Variants in PARD3B observed in about 807,000 individuals in gnomAD.
PARD3B encodes the protein partitioning defective 3 homolog B.
A neutral mutation model predicts 130.2 loss-of-function variants in PARD3B; 103 were observed. The observed-to-expected ratio is 0.79, with a 90% CI of 0.67 to 0.93. PARD3B has a LOEUF of 0.93. PARD3B is among the 40% of genes least tolerant of loss of function. The probability of loss-of-function intolerance (pLI) is 0.00; values close to 1 mark genes in which losing one functional copy is unlikely to be tolerated. For synonymous variants in PARD3B, 583 were observed against 553.2 expected (o/e 1.05, Z -0.76); for missense variants, 1,609 against 1,499.2 (o/e 1.07, Z -1.21).
rs572021066 is a variant in PARD3B, at chr2:205,237,555, C to T, written c.2141-8223C>T. On this transcript the variant is annotated intron_variant, in intron 15 of 22. Coordinates refer to ENST00000406610, the MANE Select transcript of PARD3B (RefSeq NM_001302769.2). ...TATTTACAGCTTTGGAAACTCATAA[C>T]ATTTGCAGGTTGAAAGAAGAGCTGT... is the stretch of plus-strand genomic sequence containing the variant. Among the ~76,000 whole-genome samples, 3 of 152,220 alleles carry T rather than the reference C, an allele frequency of 2.0e-5. No individual in the cohort carries two copies. In the South Asian group the frequency reaches 6.2e-4, roughly 32 times the overall value.
At position 205,417,721 on chromosome 2, in the gene PARD3B, G is replaced by A. The variant is rs2046828599; in HGVS notation, c.2741+16598G>A. Among the ~76,000 whole-genome samples, 3 of 152,210 alleles carry A rather than the reference G, an allele frequency of 2.0e-5. No homozygotes were observed. The South Asian group carries it at 6.2e-4, about 32-fold the overall frequency. On this transcript the variant is annotated intron_variant, in intron 19 of 22. Transcript: ENST00000406610. ...CCCAGCCTGATCTCCACAGGCTAGA[G>A]CCTTCCTTGCAAGATCAATCCAGCC...
intron 2 of PARD3B, among the ~76,000 whole-genome samples, chr2:204,797,811 T>C (rs1401570804): frequency 6.6e-6 from 1 of 152,206 alleles, no homozygotes; most frequent in East Asian, 1.9e-4. Context: ...ACCAATGAGA[T>C]AGGAGAAATT....
rs913255750 is a variant in PARD3B, at chr2:204,677,104, C to G, written c.121-9077C>G. On this transcript the variant is annotated intron_variant, in intron 1 of 22. Transcript: ENST00000406610. This position sits in a 1 kb window ranked among gnomAD's most constrained non-coding sequence, Gnocchi z 4.1. ...GGCTTTTAGTTGGATTGGAGATCTC[C>G]TATGGTCATTTAACTCTCTGCTGTT... Among the ~76,000 whole-genome samples, 12 of 152,136 alleles carry G rather than the reference C, an allele frequency of 7.9e-5. No homozygotes were observed. The highest frequency in any genetic ancestry group is 1.8e-4 in the Non-Finnish European group (12 of 68,020).
chr2:204,843,578 C>T (rs149079857), intron 2 of PARD3B, among the ~76,000 whole-genome samples: 1 of 152,034 alleles, frequency 6.6e-6, no homozygotes, highest in Non-Finnish European at 1.5e-5. Flanking sequence ...TCATTAGGGA[C>T]GAGGTTTCGC....
intron 21 of PARD3B, among the ~76,000 whole-genome samples, chr2:205,542,354 TTGTGTGTGTGTGTGTG>T (rs143438143): frequency 6.9e-6 from 1 of 145,106 alleles, no homozygotes; most frequent in Non-Finnish European, 1.5e-5. Context: ...TAGTTTGTGT[TTGTGTGTGTGTGTGTG>T]TGTGTGTGTG....
intron 13 of PARD3B, among the ~76,000 whole-genome samples, chr2:205,185,347 T>C (rs149360977): frequency 1.3e-5 from 2 of 152,278 alleles, no homozygotes; most frequent in Admixed American, 1.3e-4. Context: ...AAAGAAGTTT[T>C]TGCTACTGAA....
chr2:204,902,255 A>C (rs2046887702), intron 2 of PARD3B, among the ~76,000 whole-genome samples: 1 of 152,188 alleles, frequency 6.6e-6, no homozygotes, highest in Admixed American at 6.5e-5. Context: ...TCTGGAAATT[A>C]ATTGGTCTTT....
At chr2:204,740,662 T>C (rs1358552670) in intron 2 of PARD3B, among the ~76,000 whole-genome samples, 1 of 152,110 alleles carries the variant, frequency 6.6e-6, no homozygotes, top group Non-Finnish European at 1.5e-5. Context: ...TGGGCTGAGA[T>C]GACTAAAAGG....
chr2:204,654,960 T>G (rs978022099), intron 1 of PARD3B, among the ~76,000 whole-genome samples: 1 of 152,132 alleles, frequency 6.6e-6, no homozygotes. Flanking sequence ...AACAAGAGGA[T>G]CTTGAAATCT....
At chr2:204,763,543 A>T (rs539686246) in intron 2 of PARD3B, among the ~76,000 whole-genome samples, 2 of 152,312 alleles carry the variant, frequency 1.3e-5, no homozygotes, top group South Asian at 2.1e-4. Context: ...ATGAATATTA[A>T]AAAAAGGAAA....
intron 15 of PARD3B, among the ~76,000 whole-genome samples, chr2:205,216,662 T>A (rs2037926853): frequency 6.6e-6 from 1 of 152,158 alleles, no homozygotes; most frequent in Non-Finnish European, 1.5e-5. Context: ...TGAGGACTTA[T>A]CACCTGGAAA....
At chr2:205,238,279 T>C (rs1220602172) in intron 15 of PARD3B, among the ~76,000 whole-genome samples, 1 of 152,168 alleles carries the variant, frequency 6.6e-6, no homozygotes, top group South Asian at 2.1e-4. Context: ...TTAGATTTTG[T>C]ACCTAAGTAC....
chr2:204,973,054 C>T (rs1305714053), intron 3 of PARD3B, among the ~76,000 whole-genome samples: 2 of 152,144 alleles, frequency 1.3e-5, no homozygotes, highest in East Asian at 3.9e-4. Flanking sequence ...AAGCCATGCA[C>T]CTCTGGCCTC....
intron 12 of PARD3B, among the ~76,000 whole-genome samples, chr2:205,174,661 C>T (rs1022372352): frequency 6.6e-6 from 1 of 152,178 alleles, no homozygotes; most frequent in Non-Finnish European, 1.5e-5. Context: ...ACTGTTGATA[C>T]ATTCAGGCAA....
intron 2 of PARD3B, among the ~76,000 whole-genome samples, chr2:204,762,936 T>C (rs1360564602): frequency 6.6e-6 from 1 of 152,086 alleles, no homozygotes; most frequent in African/African-American, 2.4e-5. Flanking sequence ...AATTTTGTAT[T>C]TGTAGTAGAG....
intron 2 of PARD3B, among the ~76,000 whole-genome samples, chr2:204,882,108 A>G (rs1261218308): frequency 2.0e-5 from 3 of 152,200 alleles, no homozygotes; most frequent in Admixed American, 1.3e-4. Context: ...GCACAAAGCT[A>G]TAAACTGACT....
rs1574780256 is a variant in PARD3B at position 205,352,264 on chromosome 2, A to T, written c.2631-48749A>T. On this transcript the variant is annotated intron_variant, in intron 18 of 22. Coordinates refer to ENST00000406610, the MANE Select transcript of PARD3B (RefSeq NM_001302769.2). This position sits in a 1 kb window ranked among gnomAD's most constrained non-coding sequence, Gnocchi z 5.2. ...CATGTGTGAAGGAGGGAAAAAAAAC[A>T]TAGTAGAGCTTTTCTTTTCACTGTA... 6.6e-6 allele frequency among the ~76,000 whole-genome samples: 1 copy of T among 152,328 alleles called. No individual in the cohort carries two copies. Among genetic ancestry groups the T allele is most frequent in the East Asian group, 1.9e-4 (1 of 5,176 alleles).
At chr2:204,861,203 TCTCTCTCTCTC>T (rs2045180004) in intron 2 of PARD3B, among the ~76,000 whole-genome samples, 1 of 132,006 alleles carries the variant, frequency 7.6e-6, no homozygotes, top group Non-Finnish European at 1.6e-5. Context: ...TCTCTCTCTC[TCTCTCTCTCTC>T]GTACCTCTTA....
chr2:205,448,832 G>T (rs2047997178), intron 20 of PARD3B, among the ~76,000 whole-genome samples: 1 of 152,060 alleles, frequency 6.6e-6, no homozygotes, highest in African/African-American at 2.4e-5. Context: ...CACCATGTTT[G>T]TGAAAATCCA....
Sources: gnomAD v4.1 joint callset for allele counts (sites outside exome capture counted in the v4.1 genomes callset) on GRCh38, gnomAD v4.1.1 for gene constraint, Gnocchi (gnomAD v3.1) non-coding constraint, MANE v1.5 for transcripts, NCBI Gene and HGNC (gene_info 2026-07-23, HGNC 2026-07-21) for gene names.